The following TGFBI variants were observed in gnomAD, a reference collection of about 807,000 sequenced individuals.
The protein encoded by TGFBI is transforming growth factor beta induced.
A neutral mutation model predicts 73.7 loss-of-function variants in TGFBI; 50 were observed. That is an observed-to-expected ratio of 0.68 (90% confidence interval 0.54 to 0.86). The LOEUF (loss-of-function observed/expected upper bound fraction) is 0.86. TGFBI is among the 40% of genes least tolerant of loss of function. The pLI, the probability that TGFBI is intolerant of heterozygous loss-of-function variation, is 0.00. For synonymous variants in TGFBI, 362 were observed against 360.5 expected (o/e 1.00, Z -0.05); for missense variants, 839 against 877.0 (o/e 0.96, Z 0.55).
chr5:136,043,991 G>A, intron 2 of TGFBI, 67 bp from the exon 3 acceptor site: 1 of 1,386,158 alleles, frequency 7.2e-7, no homozygotes, highest in South Asian at 1.2e-5. Flanking sequence ...TTAGTGGAGA[G>A]GGGCCAGATG....
At chr5:136,043,270 G>A (rs1341279280) in intron 2 of TGFBI, among the ~76,000 whole-genome samples, 2 of 152,128 alleles carry the variant, frequency 1.3e-5, no homozygotes. Context: ...AATTCTCAGT[G>A]TTTTAGCCGT....
intron 15 of TGFBI, 87 bp downstream of exon 15, chr5:136,061,666 T>C (rs1457024634): frequency 2.7e-6 from 3 of 1,110,110 alleles, no homozygotes; most frequent in East Asian, 4.8e-5. Flanking sequence ...GCCCCTGTCT[T>C]CCTTGGCTGC....
At chr5:136,049,868 G>A in intron 7 of TGFBI, 1 of 346,348 alleles carries the variant, frequency 2.9e-6, no homozygotes, top group Non-Finnish European at 5.4e-6. Flanking sequence ...GAAACAGGGA[G>A]AGTGAAAGGC....
chr5:136,061,048 T>C (rs1751738286), intron 14 of TGFBI, 112 bp downstream of exon 14: 6 of 793,748 alleles, frequency 7.6e-6, no homozygotes, highest in Non-Finnish European at 1.2e-5. Flanking sequence ...GTAATTGTGA[T>C]AGTTAAACTG....
rs114150650 is a variant in TGFBI, at chr5:136,033,570, A to T, written c.135-193A>T. On this transcript the variant is annotated intron_variant, in intron 1 of 16. Coordinates refer to ENST00000442011, the MANE Select transcript of TGFBI (RefSeq NM_000358.3). The stretch of plus-strand genomic sequence containing the variant: ...AACAATTTTTGCAGGGGAAGCTTTC[A>T]TGGGGGCTGATGGGAATCTAGGTAA... Among the ~76,000 whole-genome samples, 454 of 152,284 alleles carry T rather than the reference A, an allele frequency of 3.0e-3. 3 individuals carry two copies. Among genetic ancestry groups the T allele is most frequent in the African/African-American group, 0.011 (437 of 41,562 alleles).
chr5:136,033,400 T>G (rs1346014190), intron 1 of TGFBI, among the ~76,000 whole-genome samples: 1 of 152,180 alleles, frequency 6.6e-6, no homozygotes, highest in Non-Finnish European at 1.5e-5. Context: ...ATGGCTTGTC[T>G]TTGGGAGCCA....
Position 136,055,803 on chromosome 5 carries a change from G to C in TGFBI, c.1534G>C (p.Asp512His). 1 of 1,608,832 alleles carries C rather than the reference G, an allele frequency of 6.2e-7. No individual in the cohort carries two copies. Residue 512 changes from aspartate (D) to histidine (H), a missense_variant, in exon 11 of 17, where the codon GAC becomes CAC. Physicochemically the swap from Asp to His is moderately conservative, Grantham distance 81. Transcript: ENST00000442011. Reference sequence around the variant, plus strand: ...GACTGTCATGGATGTCCTGAAGGGAGACAATCGCTTTAGGTAATTAGTTCC... The same window carrying C: ...GACTGTCATGGATGTCCTGAAGGGACACAATCGCTTTAGGTAATTAGTTCC... ...MGTVMDVLKG[D>H]NRFSMLVAAI...
Position 136,056,741 on chromosome 5 carries a change from C to G in TGFBI, c.1624C>G (p.Pro542Ala). The G allele has an allele frequency of 1.2e-6, 2 of 1,613,950 alleles. No individual in the cohort carries two copies. The highest frequency in any genetic ancestry group is 1.7e-6 in the Non-Finnish European group (2 of 1,179,876). ...GGAAGGAGTCTACACAGTCTTTGCT[C>G]CCACAAATGAAGCCTTCCGAGCCCT... ...NREGVYTVFAPTNEAFRALPP... is the reference protein window; with the variant it reads ...NREGVYTVFAATNEAFRALPP... The change falls in exon 12 of 17, where the codon CCC becomes GCC. Residue 542 changes from proline to alanine, a missense_variant. Transcript: ENST00000442011.
At chr5:136,060,997 G>A in intron 14 of TGFBI, 61 bp downstream of exon 14, 1 of 1,278,710 alleles carries the variant, frequency 7.8e-7, no homozygotes, top group South Asian at 1.6e-5. Flanking sequence ...GCAGTTGGTG[G>A]AGAGAAGAAA....
chr5:136,045,191 G>A (rs1751407134), intron 3 of TGFBI, among the ~76,000 whole-genome samples: 1 of 152,142 alleles, frequency 6.6e-6, no homozygotes, highest in Non-Finnish European at 1.5e-5. Context: ...ACGATCACCT[G>A]AGCCAAGAAT....
At chr5:136,049,207 G>A (rs751216202) in intron 6 of TGFBI, 18 of 487,714 alleles carry the variant, frequency 3.7e-5, no homozygotes, top group African/African-American at 7.7e-5. Flanking sequence ...GGGGCAGGAA[G>A]AGGAAAGGCA....
intron 10 of TGFBI, 168 bp downstream of exon 10, chr5:136,055,029 A>G (rs1456092479): frequency 2.5e-6 from 2 of 813,000 alleles, no homozygotes; most frequent in East Asian, 5.0e-5. Flanking sequence ...GATCCTGCAG[A>G]AGGATTGGAA....
At chr5:136,032,169 C>G (rs1478245705) in intron 1 of TGFBI, among the ~76,000 whole-genome samples, 1 of 152,130 alleles carries the variant, frequency 6.6e-6, no homozygotes, top group African/African-American at 2.4e-5. Flanking sequence ...ATTCAGAAAT[C>G]TGGAGGATTT....
At chr5:136,037,404 A>C (rs1751246398) in intron 2 of TGFBI, among the ~76,000 whole-genome samples, 1 of 152,174 alleles carries the variant, frequency 6.6e-6, no homozygotes, top group Admixed American at 6.5e-5. Flanking sequence ...TACGTGTGGC[A>C]CTTTGAGCAA....
At chr5:136,051,264 T>C (rs893832972) in intron 7 of TGFBI, among the ~76,000 whole-genome samples, 7 of 152,016 alleles carry the variant, frequency 4.6e-5, no homozygotes, top group Non-Finnish European at 8.8e-5. Context: ...ACCCCGTCTC[T>C]ACTAAAAATA....
At chr5:136,029,277 G>A in intron 1 of TGFBI, 88 bp downstream of exon 1, 2 of 1,337,816 alleles carry the variant, frequency 1.5e-6, no homozygotes, top group Non-Finnish European at 1.9e-6. Context: ...AACTGGGCTG[G>A]GGGCGCAGGG....
intron 9 of TGFBI, 96 bp downstream of exon 9, chr5:136,054,176 G>A: frequency 6.7e-7 from 1 of 1,492,996 alleles, no homozygotes; most frequent in Non-Finnish European, 9.1e-7. Context: ...AGCACCCCAT[G>A]GGACATTAGA....
At chr5:136,043,670 T>C (rs1751377483) in intron 2 of TGFBI, among the ~76,000 whole-genome samples, 1 of 152,234 alleles carries the variant, frequency 6.6e-6, no homozygotes, top group East Asian at 1.9e-4. Context: ...GAGCCAGAGC[T>C]GGTGCAGGGC....
intron 7 of TGFBI, among the ~76,000 whole-genome samples, chr5:136,050,947 G>T (rs111373153): frequency 1.3e-4 from 20 of 152,306 alleles, no homozygotes; most frequent in African/African-American, 4.6e-4. Context: ...AGACCTAGTA[G>T]AAATGGCAGG....
Sources: allele counts gnomAD v4.1 joint callset (sites outside exome capture counted in the v4.1 genomes callset), GRCh38; gene constraint gnomAD v4.1.1; transcripts MANE v1.5; gene names NCBI Gene and HGNC (gene_info 2026-07-23, HGNC 2026-07-21).